FCRL3: variants seen among roughly 807,000 people sequenced by gnomAD.
FCRL3 encodes Fc receptor like 3, also known as Fc receptor-like protein 3.
FCRL3 carries 89 observed loss-of-function variants against 75.0 expected under a neutral mutation model. That is an observed-to-expected ratio of 1.19 (90% CI 1.00 to 1.42). The LOEUF is 1.42. Among genes scored for constraint, FCRL3 ranks in the 40% most tolerant of loss-of-function variants. The probability of loss-of-function intolerance (pLI) is 0.00; values close to 1 mark genes in which losing one functional copy is unlikely to be tolerated. For synonymous variants in FCRL3, 376 were observed against 348.5 expected, an observed-to-expected ratio of 1.08 and a Z score of -0.88; for missense variants, 946 against 880.0, an observed-to-expected ratio of 1.07 and a Z score of -0.95.
chr1:157,690,601 A>G, intron 8 of FCRL3, 68 bp from the exon 9 acceptor site: 2 of 1,567,110 alleles, frequency 1.3e-6, no homozygotes, highest in Non-Finnish European at 1.7e-6. Context: ...TTAATAAAGG[A>G]ATATGCAGCA....
At chr1:157,698,149 C>A in intron 4 of FCRL3, 1 of 725,190 alleles carries the variant, frequency 1.4e-6, no homozygotes, top group Non-Finnish European at 2.2e-6. Context: ...AAGAGGAATC[C>A]CAGACTTGAA....
rs747654707 is a variant in FCRL3, at chr1:157,697,355, G to T, written c.629C>A (p.Thr210Asn). Reference sequence around the variant, plus strand: ...CTGTGGAGAGAGCTGGGTCTCACAGGTCAGGGTCATGGGACTCCCCTCTAT... The same window carrying T: ...CTGTGGAGAGAGCTGGGTCTCACAGTTCAGGGTCATGGGACTCCCCTCTAT... Reference protein sequence around the residue: ...TPIEGSPMTLTCETQLSPQRP... With the variant: ...TPIEGSPMTLNCETQLSPQRP... Residue 210 changes from threonine to asparagine, a missense_variant, in exon 6 of 15, where the codon ACC (threonine) becomes AAC (asparagine). Transcript: ENST00000368184. 2 of 1,605,392 alleles carry T rather than the reference G, an allele frequency of 1.2e-6. No individual in the cohort carries two copies. Among genetic ancestry groups the T allele is most frequent in the Admixed American group, 3.4e-5 (2 of 58,446 alleles).
At chr1:157,690,171 G>A (rs983428058) in intron 9 of FCRL3, 84 bp downstream of exon 9, 52 of 1,539,624 alleles carry the variant, frequency 3.4e-5, no homozygotes, top group Non-Finnish European at 4.6e-5. Flanking sequence ...AACCTCCTTG[G>A]TGCTAGTAGA....
At chr1:157,687,508 C>T (rs12093091) in intron 10 of FCRL3, among the ~76,000 whole-genome samples, 35,129 of 137,450 alleles carry the variant, frequency 0.26, 5,131 homozygotes, top group African/African-American at 0.4. Flanking sequence ...CCATACTATT[C>T]ACAATAGCAA....
Position 157,676,785 on chromosome 1 carries a change from C to T in FCRL3, c.*1925G>A, listed in dbSNP as rs1313656828. 6.5e-7 allele frequency: 1 copy of T among 1,549,892 alleles called. No individual in the cohort carries two copies. The highest frequency in any genetic ancestry group is 8.7e-7 in the Non-Finnish European group (1 of 1,146,734). ...GTTCAGAATCTAGAAAATGGATAAA[C>T]AATGATAAGAGATGACAGGTCCCTT... On this transcript the variant is annotated 3_prime_UTR_variant, in exon 15 of 15. Coordinates refer to ENST00000368184, the MANE Select transcript of FCRL3 (RefSeq NM_052939.4).
At chr1:157,682,461 T>A (rs1476825709) in intron 11 of FCRL3, among the ~76,000 whole-genome samples, 1 of 152,202 alleles carries the variant, frequency 6.6e-6, no homozygotes, top group Admixed American at 6.5e-5. Context: ...TTTCTACATA[T>A]GGTTAGCCAG....
At chr1:157,697,112 C>G (rs565549337) in intron 6 of FCRL3, 28 bp downstream of exon 6, 1 of 1,408,634 alleles carries the variant, frequency 7.1e-7, no homozygotes, top group Non-Finnish European at 9.3e-7. Context: ...AGCTCTGACT[C>G]TGGAAGAGCA....
intron 10 of FCRL3, among the ~76,000 whole-genome samples, chr1:157,687,609 A>G (rs1443602756): frequency 6.6e-6 from 1 of 150,712 alleles, no homozygotes; most frequent in Non-Finnish European, 1.5e-5. Context: ...GCAGACATAA[A>G]AAAATGAAAT....
chr1:157,677,720 G>T lies in FCRL3; in HGVS notation c.*990C>A. ...GAATCTTAGAAATACAACATGAAGA[G>T]AAAGTACTAAAAAAAATTATCTACA... On this transcript the variant is annotated 3_prime_UTR_variant, in exon 15 of 15. Transcript: ENST00000368184. 1 of 668,080 alleles carries T rather than the reference G, an allele frequency of 1.5e-6. No individual in the cohort carries two copies. The highest frequency in any genetic ancestry group is 1.8e-6 in the Non-Finnish European group (1 of 540,768). The allele number at this position is 668,080 out of a possible 1,614,324, so 41.4% of individuals were successfully genotyped here.
chr1:157,695,505 G>T lies in FCRL3; in HGVS notation c.1235C>A (p.Pro412Gln). 5 of 1,614,144 alleles carry T rather than the reference G, an allele frequency of 3.1e-6. No homozygotes were observed. Among genetic ancestry groups the T allele is most frequent in the Non-Finnish European group, 4.2e-6 (5 of 1,180,000 alleles). Reference protein sequence around the residue: ...LHCESLRGSPPILYRFYHEDV... With the variant: ...LHCESLRGSPQILYRFYHEDV... ...CTCATGATAAAATCGGTACAGGATC[G>T]GGGGAGAGCCTCTCAGGGACTCACA... The change falls in exon 8 of 15, where the codon CCG (proline) becomes CAG (glutamine). Residue 412 changes from proline (P) to glutamine (Q), a missense_variant. Physicochemically the swap from Pro to Gln is moderately conservative, Grantham distance 76. Transcript: ENST00000368184.
In FCRL3 at chr1:157,678,439, C is replaced by A. The variant is rs537307726; in HGVS notation, c.*271G>T. On this transcript the variant is annotated 3_prime_UTR_variant, in exon 15 of 15. Transcript: ENST00000368184. ...GACCATTTCTCTCTCCTCCTCTATTCGACAGCCCTAGGAGCTGAGGGCCCT... is the reference window on the plus strand; with the variant it reads ...GACCATTTCTCTCTCCTCCTCTATTAGACAGCCCTAGGAGCTGAGGGCCCT... The A allele has an allele frequency of 7.7e-7, 1 of 1,298,468 alleles. No homozygotes were observed. Among genetic ancestry groups the A allele is most frequent in the African/African-American group, 1.5e-5 (1 of 67,260 alleles). 80.4% of individuals were successfully genotyped at this position (1,298,468 alleles called of 1,614,324 possible).
intron 8 of FCRL3, chr1:157,691,900 G>A (rs541266918): frequency 1.8e-4 from 27 of 152,294 alleles, no homozygotes; most frequent in African/African-American, 5.8e-4. Flanking sequence ...TCCAAGATGG[G>A]CTATAAGACA....
chr1:157,694,547 C>T (rs990530018), intron 8 of FCRL3, among the ~76,000 whole-genome samples: 2 of 152,146 alleles, frequency 1.3e-5, no homozygotes, highest in East Asian at 1.9e-4. Flanking sequence ...ATTTTGCCAT[C>T]TTCTCCTAGG....
At chr1:157,695,738 CT>C in intron 7 of FCRL3, 131 bp from the exon 8 acceptor site, 1 of 1,132,530 alleles carries the variant, frequency 8.8e-7, no homozygotes, top group Non-Finnish European at 1.2e-6. Context: ...TCACATTTTT[CT>C]TATCTAACAA....
At chr1:157,679,312 C>T in intron 13 of FCRL3, 2 of 347,316 alleles carry the variant, frequency 5.8e-6, no homozygotes, top group South Asian at 6.1e-5. Context: ...TCATTATAAC[C>T]CCAGAGGGGC....
intron 3 of FCRL3, among the ~76,000 whole-genome samples, chr1:157,699,065 G>A (rs184336854): frequency 4.5e-4 from 68 of 152,288 alleles, no homozygotes; most frequent in Admixed American, 4.4e-3. Flanking sequence ...AAATGAATAA[G>A]ATTTTCTCAC....
At chr1:157,689,660 A>G in intron 10 of FCRL3, 138 bp downstream of exon 10, 2 of 1,121,484 alleles carry the variant, frequency 1.8e-6, no homozygotes, top group Non-Finnish European at 2.5e-6. Context: ...ACAATTGCCT[A>G]CAGAGTGACA....
chr1:157,694,470 G>A (rs1303788072), intron 8 of FCRL3, among the ~76,000 whole-genome samples: 1 of 152,188 alleles, frequency 6.6e-6, no homozygotes, highest in Non-Finnish European at 1.5e-5. Context: ...TGGAGAACAA[G>A]AGTCCATGGC....
At position 157,698,426 on chromosome 1, in the gene FCRL3, C is replaced by G. The variant is rs755808764; in HGVS notation, c.256G>C (p.Gly86Arg). 2 of 1,614,198 alleles carry G rather than the reference C, an allele frequency of 1.2e-6. No individual in the cohort carries two copies. The highest frequency in any genetic ancestry group is 2.2e-5 in the South Asian group (2 of 91,078). The change falls in exon 4 of 15, where the codon GGA becomes CGA. Residue 86 changes from glycine (G) to arginine (R), a missense_variant. Gly to Arg is a moderately radical substitution (Grantham distance 125). Transcript: ENST00000368184. ...TGCACGGCATCACTGAGGGAGGATC[C>G]TCGGGTCTTACATTGGTAATTTCCA... ...EPGNYQCKTR[G>R]SSLSDAVHVE...
Sources: allele counts gnomAD v4.1 joint callset (sites outside exome capture counted in the v4.1 genomes callset), GRCh38; gene constraint gnomAD v4.1.1; transcripts MANE v1.5; gene names NCBI Gene and HGNC (gene_info 2026-07-23, HGNC 2026-07-21).